Variants in BCAS4 observed in about 807,000 individuals in gnomAD.
BCAS4 encodes the protein breast carcinoma amplified sequence 4.
Under a neutral mutation model 15.7 loss-of-function variants are expected in BCAS4, and 9 were observed. The ratio of observed to expected loss-of-function variants is 0.57; its 90% CI spans 0.34 to 1.00. The LOEUF is 1.00. Among genes scored for constraint, BCAS4 ranks in the 50% least tolerant of loss-of-function variants. The probability of loss-of-function intolerance (pLI) is 0.02; values close to 1 mark genes in which losing one functional copy is unlikely to be tolerated. For missense variants in BCAS4, 225 were observed against 239.1 expected (o/e 0.94, Z 0.39); for synonymous variants, 101 against 99.5 (o/e 1.02, Z -0.09).
intron 3 of BCAS4, 130 bp downstream of exon 3, chr20:50,830,510 TG>T: frequency 1.5e-6 from 1 of 685,290 alleles, no homozygotes; most frequent in Non-Finnish European, 2.4e-6. Context: ...TGGTGGGAGT[TG>T]GGGAGTCTGC....
chr20:50,857,724 C>A (rs929763439), intron 4 of BCAS4, among the ~76,000 whole-genome samples: 19 of 152,158 alleles, frequency 1.2e-4, no homozygotes, highest in African/African-American at 4.6e-4. Flanking sequence ...CCACTTCCAC[C>A]CTTATTCCCA....
At chr20:50,829,335 C>T (rs1002841225) in intron 2 of BCAS4, among the ~76,000 whole-genome samples, 9 of 152,058 alleles carry the variant, frequency 5.9e-5, no homozygotes, top group African/African-American at 1.5e-4. Context: ...CTCCGCCTCC[C>T]GGGTTCAAGC....
At chr20:50,795,487 C>T (rs2087843507) in intron 1 of BCAS4, among the ~76,000 whole-genome samples, 1 of 152,186 alleles carries the variant, frequency 6.6e-6, no homozygotes, top group Non-Finnish European at 1.5e-5. Flanking sequence ...ACCCCGGGAC[C>T]TCTGCTGCCC....
At chr20:50,830,185 T>G in intron 2 of BCAS4, 94 bp from the exon 3 acceptor site, 2 of 953,654 alleles carry the variant, frequency 2.1e-6, no homozygotes, top group Non-Finnish European at 3.3e-6. Context: ...TCAGCCATCA[T>G]TGGGGTCTGT....
intron 3 of BCAS4, among the ~76,000 whole-genome samples, chr20:50,836,438 G>A (rs376928836): frequency 6.6e-6 from 1 of 152,204 alleles, no homozygotes; most frequent in Non-Finnish European, 1.5e-5. Flanking sequence ...GTCATTGTGA[G>A]GATTAAATGA....
At chr20:50,856,269 C>T (rs189204930) in intron 4 of BCAS4, among the ~76,000 whole-genome samples, 85 of 152,324 alleles carry the variant, frequency 5.6e-4, no homozygotes, top group African/African-American at 2.0e-3. Flanking sequence ...AAGTACTTGG[C>T]TCTGTTCCTG....
At chr20:50,844,721 C>A (rs1282996057) in intron 4 of BCAS4, among the ~76,000 whole-genome samples, 5 of 151,402 alleles carry the variant, frequency 3.3e-5, no homozygotes, top group Admixed American at 3.3e-4. Flanking sequence ...GAGGTCCCCC[C>A]AGCACTCCTG....
At chr20:50,877,715 C>G (rs975103420), downstream of BCAS4, 1 of 152,134 alleles carries the variant, frequency 6.6e-6, no homozygotes, top group African/African-American at 2.4e-5. Context: ...GAGCAAGACC[C>G]TGTCCCCCAC....
intron 2 of BCAS4, among the ~76,000 whole-genome samples, chr20:50,829,833 G>T (rs1318093656): frequency 1.3e-5 from 2 of 152,028 alleles, no homozygotes; most frequent in Non-Finnish European, 2.9e-5. Flanking sequence ...GGAAGCATCT[G>T]ATACATAAGA....
At chr20:50,808,164 G>A (rs1310969424) in intron 1 of BCAS4, among the ~76,000 whole-genome samples, 2 of 151,876 alleles carry the variant, frequency 1.3e-5, no homozygotes, top group Non-Finnish European at 2.9e-5. Context: ...CGCCCGCCTT[G>A]GCCTCCCAAA....
chr20:50,797,397 A>T (rs931352721), intron 1 of BCAS4, among the ~76,000 whole-genome samples: 1 of 152,074 alleles, frequency 6.6e-6, no homozygotes, highest in Non-Finnish European at 1.5e-5. Context: ...ATCTCAATTT[A>T]AAAAAATAGC....
intron 4 of BCAS4, among the ~76,000 whole-genome samples, chr20:50,842,251 T>C (rs1360356401): frequency 2.6e-5 from 4 of 152,172 alleles, no homozygotes; most frequent in Non-Finnish European, 4.4e-5. Context: ...TTGCCCTTCC[T>C]GAGGCAGGAG....
intron 4 of BCAS4, among the ~76,000 whole-genome samples, chr20:50,845,513 G>A (rs1172253528): frequency 6.6e-6 from 1 of 152,144 alleles, no homozygotes; most frequent in Non-Finnish European, 1.5e-5. Flanking sequence ...TTCTCCCGGG[G>A]CCTGTTCCAA....
intron 2 of BCAS4, among the ~76,000 whole-genome samples, chr20:50,829,318 C>T (rs1467927325): frequency 1.3e-5 from 2 of 152,138 alleles, no homozygotes; most frequent in Non-Finnish European, 2.9e-5. Flanking sequence ...TCTTGGCTCA[C>T]TGCAACCTCC....
In BCAS4 at chr20:50,795,167, G is replaced by T. The variant is rs1241240538; in HGVS notation, c.84G>T (p.Gly28=). 6.9e-7 allele frequency: 1 copy of T among 1,451,444 alleles called. No homozygotes were observed. The highest frequency in any genetic ancestry group is 1.3e-5 in the South Asian group (1 of 74,276). The allele number at this position is 1,451,444 out of a possible 1,614,324, so 89.9% of individuals were successfully genotyped here. A position where few individuals can be genotyped will look rare whatever the true frequency, so the allele number is the denominator to read the frequency against. Reference sequence around the variant, plus strand: ...CGCTCTTCCTGACCCCCGAGCCTGGGGCCGAGGTAGGGGACGGGGCTGTGG... The same window carrying T: ...CGCTCTTCCTGACCCCCGAGCCTGGTGCCGAGGTAGGGGACGGGGCTGTGG... ...ELALFLTPEP[G]AEAKEVEETI... The change falls in exon 1 of 5, where the codon GGG becomes GGT. Residue 28 remains glycine, a synonymous_variant. Coordinates refer to ENST00000371608, the MANE Select transcript of BCAS4 (RefSeq NM_198799.4).
intron 3 of BCAS4, among the ~76,000 whole-genome samples, chr20:50,834,966 G>C (rs940368452): frequency 2.6e-5 from 4 of 152,200 alleles, no homozygotes; most frequent in African/African-American, 9.7e-5. Flanking sequence ...CTGGCGCACA[G>C]TTGGGTGCTT....
Position 50,876,756 on chromosome 20 carries a change from C to T in BCAS4, c.*148C>T. On this transcript the variant is annotated 3_prime_UTR_variant, in exon 5 of 5. Coordinates refer to ENST00000371608, the MANE Select transcript of BCAS4 (RefSeq NM_198799.4). ...ATGGGGTCTCACTATGTTGTCCAGA[C>T]TGATCTCAAACTCCTGGGCTCAAGT... The T allele has an allele frequency of 9.5e-7, 1 of 1,048,702 alleles. No homozygotes were observed. The allele number at this position is 1,048,702 out of a possible 1,614,324, so 65.0% of individuals were successfully genotyped here.
intron 3 of BCAS4, among the ~76,000 whole-genome samples, chr20:50,830,883 A>G (rs2088335434): frequency 6.6e-6 from 1 of 152,092 alleles, no homozygotes; most frequent in East Asian, 1.9e-4. Flanking sequence ...TCCAACATTT[A>G]AAAATCAGGG....
intron 1 of BCAS4, among the ~76,000 whole-genome samples, chr20:50,809,419 G>C (rs963810086): frequency 1.1e-4 from 17 of 152,078 alleles, no homozygotes; most frequent in African/African-American, 4.1e-4. Context: ...ATGTTGGCCA[G>C]GTTAGTCTTG....
Sources: gnomAD v4.1 joint callset for allele counts (sites outside exome capture counted in the v4.1 genomes callset) on GRCh38, gnomAD v4.1.1 for gene constraint, MANE v1.5 for transcripts, NCBI Gene and HGNC (gene_info 2026-07-23, HGNC 2026-07-21) for gene names.